MALAT1: variants seen among roughly 807,000 people sequenced by gnomAD.
MALAT1 encodes hepcarcin.
At chr11:65,505,157 G>A (rs1854652343) in intron 3 of MALAT1, 1 of 518,810 alleles carries the variant, frequency 1.9e-6, no homozygotes. Context: ...GGGTGAGGTG[G>A]GCGCTAAGCC....
rs116377285 is a variant in MALAT1, at chr11:65,498,003, T to C, written n.178+138T>C. On this transcript the variant is annotated intron_variant and non_coding_transcript_variant, in intron 1 of 3. Coordinates refer to ENST00000619449, the Ensembl canonical transcript of MALAT1. ...GGTATTTAGATAAAACCACTCAAAC[T>C]CTGCAGTTTGGTCTTGGGGTTTGGA... 1,415 of 518,858 alleles carry C rather than the reference T, an allele frequency of 2.7e-3. 11 individuals carry two copies. The highest frequency in any genetic ancestry group is 0.023 in the African/African-American group (1,223 of 52,046). 32.1% of individuals were successfully genotyped at this position (518,858 alleles called of 1,614,324 possible). A position where few individuals can be genotyped will look rare whatever the true frequency, so the allele number is the denominator to read the frequency against.
At chr11:65,499,450 T>A (rs1382345793) in exon 3 of MALAT1, 1 of 471,972 alleles carries the variant, frequency 2.1e-6, no homozygotes, top group East Asian at 5.9e-5. Context: ...AAAGTTTAGT[T>A]TAAAAGTTGT....
chr11:65,506,159 A>C (rs768156015), intron 3 of MALAT1: 3 of 417,236 alleles, frequency 7.2e-6, no homozygotes, highest in Non-Finnish European at 1.4e-5. Flanking sequence ...ACGGGGTTCA[A>C]ATCCCTGCGG....
chr11:65,504,818 A>G (rs759617317), intron 3 of MALAT1: 4 of 519,032 alleles, frequency 7.7e-6, no homozygotes, highest in Non-Finnish European at 1.5e-5. Flanking sequence ...TCTTACATGC[A>G]GGAACACTCA....
chr11:65,499,268 G>A (rs1185829524), exon 3 of MALAT1: 2 of 513,622 alleles, frequency 3.9e-6, no homozygotes, highest in East Asian at 5.5e-5. Flanking sequence ...AGTAGCATGA[G>A]GAAGGAAAAG....
exon 3 of MALAT1, chr11:65,500,807 T>TA (rs774792597): frequency 5.8e-6 from 3 of 518,814 alleles, no homozygotes; most frequent in East Asian, 5.4e-5. Context: ...TTCTGGAACT[T>TA]ACTTATGGTA....
chr11:65,497,966 A>C (rs774208388), intron 1 of MALAT1: 1 of 518,810 alleles, frequency 1.9e-6, no homozygotes, highest in African/African-American at 1.9e-5. Context: ...TAGGCTGGCC[A>C]TTCCAGGTGG....
chr11:65,503,697 A>G (rs776584323), exon 3 of MALAT1: 7 of 517,702 alleles, frequency 1.4e-5, no homozygotes, highest in Non-Finnish European at 2.3e-5. Context: ...TGTTGGGGCA[A>G]TCTTGGGGGG....
At position 65,503,915 on chromosome 11, in the gene MALAT1, T is replaced by A. The variant is rs374822552; in HGVS notation, n.5168+10T>A. The stretch of plus-strand genomic sequence containing the variant: ...ATAACCTCTTAGACAGGTGGGAGAT[T>A]ATGATCAGAGTAAAAGGTAATTACA... On this transcript the variant is annotated intron_variant and non_coding_transcript_variant, in intron 3 of 3. Coordinates refer to ENST00000619449, the Ensembl canonical transcript of MALAT1. 1.5e-4 allele frequency: 78 copies of A among 517,506 alleles called. 3 individuals carry two copies. Among genetic ancestry groups the A allele is most frequent in the South Asian group, 9.8e-4 (70 of 71,384 alleles). 32.1% of individuals were successfully genotyped at this position (517,506 alleles called of 1,614,324 possible). A position where few individuals can be genotyped will look rare whatever the true frequency, so the allele number is the denominator to read the frequency against.
chr11:65,506,173 CTT>C (rs1227822222), intron 3 of MALAT1: 2 of 421,862 alleles, frequency 4.7e-6, no homozygotes, highest in African/African-American at 4.2e-5. Flanking sequence ...CCTGCGGCGT[CTT>C]TGCTTTGACT....
exon 4 of MALAT1, chr11:65,506,376 T>G (rs772535482): frequency 1.2e-4 from 53 of 436,754 alleles, no homozygotes; most frequent in South Asian, 8.3e-4. Flanking sequence ...AACTGCCTTG[T>G]CTTTTTCAGG....
chr11:65,504,839 G>C, intron 3 of MALAT1: 1 of 518,916 alleles, frequency 1.9e-6, no homozygotes, highest in Non-Finnish European at 3.8e-6. Flanking sequence ...GCAGACACAC[G>C]TATGCGAAGG....
exon 3 of MALAT1, chr11:65,499,109 A>G (rs374666568): frequency 7.7e-5 from 40 of 518,312 alleles, no homozygotes; most frequent in Non-Finnish European, 1.3e-4. Context: ...AGGAAACCGC[A>G]GATAAGTTTT....
intron 1 of MALAT1, chr11:65,498,604 G>A (rs1393119819): frequency 5.8e-6 from 3 of 518,764 alleles, no homozygotes; most frequent in South Asian, 2.8e-5. Flanking sequence ...CTTCTCAACC[G>A]TCCCTGCAAG....
intron 3 of MALAT1, chr11:65,504,816 GCAGGAACACT>G (rs1403859673): frequency 1.9e-6 from 1 of 518,972 alleles, no homozygotes; most frequent in South Asian, 1.4e-5. Flanking sequence ...ATTCTTACAT[GCAGGAACACT>G]CAGCAGACAC....
exon 3 of MALAT1, chr11:65,500,301 A>G (rs772764309): frequency 1.9e-6 from 1 of 518,902 alleles, no homozygotes; most frequent in Admixed American, 1.9e-5. Flanking sequence ...GTAATTCAAG[A>G]TCAAGAGTAA....
chr11:65,501,179 A>G (rs776057757), exon 3 of MALAT1: 1 of 491,504 alleles, frequency 2.0e-6, no homozygotes, highest in East Asian at 5.9e-5. Flanking sequence ...CGTTTTGTAA[A>G]TGTAGAGTTT....
At chr11:65,498,198 G>T (rs770781752) in intron 1 of MALAT1, 1 of 518,868 alleles carries the variant, frequency 1.9e-6, no homozygotes, top group Non-Finnish European at 3.8e-6. Context: ...CTGTGTCTTC[G>T]GAGACAAAGC....
At chr11:65,500,031 CAATTT>C (rs1565676387) in exon 3 of MALAT1, 1 of 431,564 alleles carries the variant, frequency 2.3e-6, no homozygotes. Context: ...AAAAGCCCAT[CAATTT>C]AATTTCTGGT....
Sources: allele counts gnomAD v4.1 joint callset, GRCh38; gene constraint gnomAD v4.1.1; transcripts MANE v1.5; gene names NCBI Gene and HGNC (gene_info 2026-07-23, HGNC 2026-07-21).